Variants in CFAP77 observed in about 807,000 individuals in gnomAD.
CFAP77 encodes the protein cilia- and flagella-associated protein 77.
A neutral mutation model predicts 31.1 loss-of-function variants in CFAP77; 25 were observed. The observed-to-expected ratio is 0.80, with a 90% confidence interval of 0.59 to 1.12. The LOEUF (loss-of-function observed/expected upper bound fraction) is 1.12, where lower values mean the gene tolerates loss of function less well. Among genes scored for constraint, CFAP77 ranks in the 50% most tolerant of loss-of-function variants. The probability of loss-of-function intolerance (pLI) is 0.00; values close to 1 mark genes in which losing one functional copy is unlikely to be tolerated. For synonymous variants in CFAP77, 151 were observed against 159.9 expected (o/e 0.94, Z 0.42); for missense variants, 377 against 397.3 (o/e 0.95, Z 0.44).
rs1852040495 is a variant in CFAP77, at chr9:132,511,587, G to GA, written c.524+11987_524+11988insA. Among the ~76,000 whole-genome samples the GA allele has an allele frequency of 6.6e-6, 1 of 152,222 alleles. No individual in the cohort carries two copies. Among genetic ancestry groups the GA allele is most frequent in the Admixed American group, 6.5e-5 (1 of 15,284 alleles). On this transcript the variant is annotated intron_variant, in intron 3 of 5. Transcript: ENST00000393216. This position sits in a 1 kb window ranked among gnomAD's most constrained non-coding sequence, Gnocchi z 5.8. ...AGATTGCTCAAATGCAGTGCGTCCT[G>GA]GATTTTGGGAACAGGCACTATTCTA... is the stretch of plus-strand genomic sequence containing the variant.
chr9:132,478,787 T>G (rs1851396141), intron 1 of CFAP77, among the ~76,000 whole-genome samples: 2 of 152,332 alleles, frequency 1.3e-5, no homozygotes, highest in Admixed American at 1.3e-4. Flanking sequence ...TGGCTCCCTC[T>G]TTTCATCTAA....
At position 132,499,336 on chromosome 9, in the gene CFAP77, C is replaced by T; in HGVS notation, c.296-36C>T. 6.3e-7 allele frequency: 1 copy of T among 1,597,846 alleles called. No homozygotes were observed. Among genetic ancestry groups the T allele is most frequent in the Non-Finnish European group, 8.6e-7 (1 of 1,167,520 alleles). ...CTGCCTCAGGGTGCTTACTCCCAGG[C>T]TGACCACTGCCCCGTGGGTCTCTCC... is the stretch of plus-strand genomic sequence containing the variant. On this transcript the variant is annotated intron_variant, in intron 2 of 5. Transcript: ENST00000393216. The surrounding 1 kb of genome is among the most constrained non-coding windows in gnomAD (Gnocchi z 5.4).
At position 132,495,867 on chromosome 9, in the gene CFAP77, C is replaced by T. The variant is rs757071344; in HGVS notation, c.196-2828C>T. On this transcript the variant is annotated intron_variant, in intron 1 of 5. Transcript: ENST00000393216. The surrounding 1 kb of genome is among the most constrained non-coding windows in gnomAD (Gnocchi z 4.2). ...GCCACGTGAAGATACAACAAGAAGGCGGCCATCTGCAAACCAAGAAGAGAG... is the reference window on the plus strand; with the variant it reads ...GCCACGTGAAGATACAACAAGAAGGTGGCCATCTGCAAACCAAGAAGAGAG... Among the ~76,000 whole-genome samples, 7 of 152,142 alleles carry T rather than the reference C, an allele frequency of 4.6e-5. No individual in the cohort carries two copies. The highest frequency in any genetic ancestry group is 3.9e-4 in the East Asian group (2 of 5,192).
chr9:132,467,007 G>A (rs1371796927), intron 1 of CFAP77, among the ~76,000 whole-genome samples: 3 of 152,066 alleles, frequency 2.0e-5, no homozygotes, highest in Non-Finnish European at 4.4e-5. Flanking sequence ...GTGAAACCCT[G>A]TCTCTATTAA....
intron 1 of CFAP77, among the ~76,000 whole-genome samples, chr9:132,472,093 C>T (rs750781034): frequency 3.9e-5 from 6 of 152,182 alleles, no homozygotes; most frequent in Non-Finnish European, 4.4e-5. Flanking sequence ...ATCCCCCCGC[C>T]GCCCCCATGA....
chr9:132,441,620 G>A (rs937915151), intron 1 of CFAP77, among the ~76,000 whole-genome samples: 7 of 152,166 alleles, frequency 4.6e-5, no homozygotes, highest in Admixed American at 2.0e-4. Context: ...TTGGAATCAC[G>A]GGAAAAAGTT....
At chr9:132,439,762 T>C (rs1005351932) in intron 1 of CFAP77, among the ~76,000 whole-genome samples, 2 of 145,178 alleles carry the variant, frequency 1.4e-5, no homozygotes, top group Non-Finnish European at 3.0e-5. Flanking sequence ...GGCAGGAGAA[T>C]GGCGTGAACC....
intron 1 of CFAP77, among the ~76,000 whole-genome samples, chr9:132,477,686 A>T (rs984648520): frequency 6.6e-6 from 1 of 152,136 alleles, no homozygotes; most frequent in African/African-American, 2.4e-5. Context: ...CTTGCCCTGC[A>T]TTGGGTTCCA....
chr9:132,485,853 G>C (rs753527442), intron 1 of CFAP77, among the ~76,000 whole-genome samples: 2 of 150,910 alleles, frequency 1.3e-5, no homozygotes, highest in East Asian at 1.9e-4. Flanking sequence ...GACCGAAGAG[G>C]GGGTATTATT....
intron 1 of CFAP77, among the ~76,000 whole-genome samples, chr9:132,441,259 C>T (rs1037868127): frequency 2.0e-4 from 30 of 152,162 alleles, no homozygotes; most frequent in African/African-American, 4.8e-4. Context: ...TCATTATTTA[C>T]GCAGACAAGG....
chr9:132,570,028 C>T (rs1485736468), intron 5 of CFAP77, among the ~76,000 whole-genome samples: 1 of 152,176 alleles, frequency 6.6e-6, no homozygotes, highest in Non-Finnish European at 1.5e-5. Context: ...CCACTGCTCC[C>T]AGCCTCTAGC....
rs191079292 is a variant in CFAP77 at position 132,425,304 on chromosome 9, A to G, written c.195+14838A>G. Among the ~76,000 whole-genome samples, 152 of 152,262 alleles carry G rather than the reference A, an allele frequency of 1.0e-3. 1 individual carries two copies. Among genetic ancestry groups the G allele is most frequent in the Admixed American group, 2.9e-3 (45 of 15,288 alleles). On this transcript the variant is annotated intron_variant, in intron 1 of 5. Coordinates refer to ENST00000393216, the MANE Select transcript of CFAP77 (RefSeq NM_001282957.2). ...AGGATCCGAAATAGGCTCTGTGAGC[A>G]GAAGGGCCCGATTCCCTTTGTCAGA... is the stretch of plus-strand genomic sequence containing the variant.
At chr9:132,529,883 G>A (rs1157913720) in intron 3 of CFAP77, among the ~76,000 whole-genome samples, 1 of 151,836 alleles carries the variant, frequency 6.6e-6, no homozygotes, top group African/African-American at 2.4e-5. Flanking sequence ...GTTTTCCGGA[G>A]TGGCTGTGCC....
intron 3 of CFAP77, among the ~76,000 whole-genome samples, chr9:132,525,022 A>ATT (rs77344020): frequency 3.0e-5 from 4 of 134,052 alleles, no homozygotes; most frequent in South Asian, 5.1e-4. Flanking sequence ...TGTGATAGTA[A>ATT]TTTTTTTTTT....
At chr9:132,568,156 A>G (rs1829909578) in intron 5 of CFAP77, among the ~76,000 whole-genome samples, 1 of 152,174 alleles carries the variant, frequency 6.6e-6, no homozygotes, top group African/African-American at 2.4e-5. Context: ...GGTGGCTGCC[A>G]GGGACTTGGA....
intron 3 of CFAP77, among the ~76,000 whole-genome samples, chr9:132,509,209 G>A (rs1851988627): frequency 6.6e-6 from 1 of 152,242 alleles, no homozygotes; most frequent in Admixed American, 6.5e-5. Context: ...GAGGCATGGT[G>A]AGGTTCTGTC....
chr9:132,520,759 G>A (rs994358914), intron 3 of CFAP77, among the ~76,000 whole-genome samples: 4 of 152,146 alleles, frequency 2.6e-5, no homozygotes, highest in African/African-American at 7.2e-5. Flanking sequence ...CTCAGGTCCG[G>A]TGTGGACCTG....
intron 3 of CFAP77, among the ~76,000 whole-genome samples, chr9:132,530,573 C>T (rs62578597): frequency 0.2 from 30,378 of 152,068 alleles, 3,085 homozygotes; most frequent in East Asian, 0.26. Flanking sequence ...TCATGCCTGG[C>T]CATCAGTTTT....
At chr9:132,428,783 GC>G (rs34788688) in intron 1 of CFAP77, among the ~76,000 whole-genome samples, 2 of 150,878 alleles carry the variant, frequency 1.3e-5, no homozygotes, top group South Asian at 4.2e-4. Context: ...AGGTCCCAAG[GC>G]CTTCAGGGCA....
Sources: allele counts gnomAD v4.1 joint callset (sites outside exome capture counted in the v4.1 genomes callset), GRCh38; gene constraint gnomAD v4.1.1; non-coding constraint Gnocchi (gnomAD v3.1); transcripts MANE v1.5; gene names NCBI Gene and HGNC (gene_info 2026-07-23, HGNC 2026-07-21).